CTBP1: variants seen among roughly 807,000 people sequenced by gnomAD.
CTBP1 encodes C-terminal binding protein 1, also known as C-terminal-binding protein 1.
A neutral mutation model predicts 42.1 loss-of-function variants in CTBP1; 11 were observed. The observed-to-expected ratio is 0.26, with a 90% CI of 0.16 to 0.43. The LOEUF is 0.43. Ranked by LOEUF, CTBP1 falls within the 20% of genes least tolerant of loss-of-function variation. The pLI is 1.00. For missense variants in CTBP1, 399 were observed against 624.3 expected (o/e 0.64, Z 3.85); for synonymous variants, 324 against 277.1 (o/e 1.17, Z -1.68).
intron 1 of CTBP1, chr4:1,244,896 C>T: frequency 1.0e-6 from 1 of 985,452 alleles, no homozygotes; most frequent in Admixed American, 6.1e-5. Context: ...GAAGGCTGTG[C>T]ACAGCCTGAC....
At position 1,225,849 on chromosome 4, in the gene CTBP1, C is replaced by G. The variant is rs1730280533; in HGVS notation, c.308-283G>C. Among the ~76,000 whole-genome samples, 3 of 152,022 alleles carry G rather than the reference C, an allele frequency of 2.0e-5. No individual in the cohort carries two copies. In the South Asian group the frequency reaches 6.2e-4, roughly 32 times the overall value. On this transcript the variant is annotated intron_variant, in intron 4 of 9. Transcript: ENST00000382952. ...GCTGGGGTGTGAGACGCTGCCCTGA[C>G]CCCTCCCGACTCAGCGCTGGCAGCC... is the stretch of plus-strand genomic sequence containing the variant.
At chr4:1,237,631 G>A in intron 3 of CTBP1, 1 of 620,068 alleles carries the variant, frequency 1.6e-6, no homozygotes, top group Non-Finnish European at 3.0e-6. Flanking sequence ...ATGGGGCTCA[G>A]GACAAACCCC....
chr4:1,242,827 G>A, intron 1 of CTBP1: 5 of 985,344 alleles, frequency 5.1e-6, no homozygotes, highest in Non-Finnish European at 6.0e-6. Context: ...GGAGAAAACC[G>A]CCTAAATGTC....
chr4:1,211,732 TC>T lies in CTBP1; in HGVS notation c.*507del, dbSNP rs1267920133. 6.6e-6 allele frequency: 1 copy of T among 152,162 alleles called. No individual in the cohort carries two copies. Among genetic ancestry groups the T allele is most frequent in the African/African-American group, 2.4e-5 (1 of 41,408 alleles). 9.4% of individuals were successfully genotyped at this position (152,162 alleles called of 1,614,324 possible). ...GGAAAAACAGCCTTTGTTTTGTTTTTCTAAATTATTCTAAAAATAAGACAAG... is the reference window on the plus strand; with the variant it reads ...GGAAAAACAGCCTTTGTTTTGTTTTTTAAATTATTCTAAAAATAAGACAAG... On this transcript the variant is annotated 3_prime_UTR_variant, in exon 10 of 10. Transcript: ENST00000382952.
intron 3 of CTBP1, among the ~76,000 whole-genome samples, 168 bp from the exon 4 acceptor site, chr4:1,228,511 C>G (rs990224438): frequency 6.6e-6 from 1 of 152,244 alleles, no homozygotes; most frequent in South Asian, 2.1e-4. Context: ...CCCCGCCACG[C>G]GCGGCCCCTC....
Position 1,216,225 on chromosome 4 carries a change from G to C in CTBP1, c.515-20C>G, listed in dbSNP as rs1301681835. On this transcript the variant is annotated intron_variant, in intron 5 of 9. Transcript: ENST00000382952. The stretch of plus-strand genomic sequence containing the variant: ...CGCGACCTGGTGGCGTCAAGACACA[G>C]TGTGAGACCCTTGCTCACCCGTGGC... 5.0e-6 allele frequency: 8 copies of C among 1,599,436 alleles called. No individual in the cohort carries two copies. The highest frequency in any genetic ancestry group is 2.2e-5 in the East Asian group (1 of 44,478).
chr4:1,223,078 GC>G (rs56277097), intron 5 of CTBP1, among the ~76,000 whole-genome samples: 117,778 of 151,840 alleles, frequency 0.78, 46,803 homozygotes, highest in South Asian at 0.91. Context: ...CGGAGGCACC[GC>G]CCCCTGGACA....
chr4:1,244,311 G>C (rs1225498744), intron 1 of CTBP1: 14 of 984,142 alleles, frequency 1.4e-5, no homozygotes, highest in Non-Finnish European at 1.6e-5. Context: ...CCATGGGCTG[G>C]GACCTGCCCC....
chr4:1,223,256 A>T (rs1402994352), intron 5 of CTBP1, among the ~76,000 whole-genome samples: 2 of 151,678 alleles, frequency 1.3e-5, no homozygotes, highest in Non-Finnish European at 2.9e-5. Flanking sequence ...CAGGCCTCAG[A>T]TGGGCAGAGG....
At position 1,213,544 on chromosome 4, in the gene CTBP1, A is replaced by G; in HGVS notation, c.922T>C (p.Tyr308His). Residue 308 changes from tyrosine to histidine, a missense_variant, in exon 8 of 10, where the codon TAC becomes CAC. Physicochemically the swap from Tyr to His is moderately conservative, Grantham distance 83. Around this residue, in one of 4 missense-constraint regions of CTBP1, gnomAD observed 309 missense variants for 497.5 expected, o/e 0.62. Transcript: ENST00000382952. Reference sequence around the variant, plus strand: ...ATCTCGATGGATGCCTGCTCGCTGTACCATGCAGCATGGGGGGTGCAGATG... The same window carrying G: ...ATCTCGATGGATGCCTGCTCGCTGTGCCATGCAGCATGGGGGGTGCAGATG... ...NLICTPHAAW[Y>H]SEQASIEMRE... 2 of 1,613,166 alleles carry G rather than the reference A, an allele frequency of 1.2e-6. No individual in the cohort carries two copies. The highest frequency in any genetic ancestry group is 1.7e-6 in the Non-Finnish European group (2 of 1,179,904).
chr4:1,226,182 C>T (rs1730320715), intron 4 of CTBP1, among the ~76,000 whole-genome samples: 3 of 152,184 alleles, frequency 2.0e-5, no homozygotes, highest in Admixed American at 6.5e-5. Context: ...ACTCCCCGCT[C>T]CCGGCCTTGT....
In CTBP1 at chr4:1,235,141, G is replaced by C. The variant is rs2108775609; in HGVS notation, c.162+3042C>G. 6.6e-6 allele frequency: 1 copy of C among 152,324 alleles called. No individual in the cohort carries two copies. The allele number at this position is 152,324 out of a possible 1,614,324, so 9.4% of individuals were successfully genotyped here. On this transcript the variant is annotated intron_variant, in intron 3 of 9. Coordinates refer to ENST00000382952, the MANE Select transcript of CTBP1 (RefSeq NM_001012614.2). This position sits in a 1 kb window ranked among gnomAD's most constrained non-coding sequence, Gnocchi z 4.2. ...TTTGCCTGGCCACTCACCCACTGAA[G>C]GACAGCCGGTGGGGGGCGTCCTTCT...
In CTBP1 at chr4:1,233,974, G is replaced by A. The variant is rs1377796596; in HGVS notation, c.162+4209C>T. Among the ~76,000 whole-genome samples, 2 of 152,172 alleles carry A rather than the reference G, an allele frequency of 1.3e-5. No individual in the cohort carries two copies. The highest frequency in any genetic ancestry group is 2.4e-5 in the African/African-American group (1 of 41,434). On this transcript the variant is annotated intron_variant, in intron 3 of 9. Transcript: ENST00000382952. The surrounding 1 kb of genome is among the most constrained non-coding windows in gnomAD (Gnocchi z 4.6). ...CCTGCCTCCTGCCTTGTTGCTCCAC[G>A]GTTCCCAGCACGTGGCTCCCCTCAC...
In CTBP1 at chr4:1,235,564, T is replaced by TCCAC; in HGVS notation, c.162+2618_162+2619insGTGG. The TCCAC allele has an allele frequency of 6.6e-6, 1 of 152,150 alleles. No individual in the cohort carries two copies. Among genetic ancestry groups the TCCAC allele is most frequent in the Non-Finnish European group, 1.5e-5 (1 of 68,032 alleles). 9.4% of individuals were successfully genotyped at this position (152,150 alleles called of 1,614,324 possible). A position where few individuals can be genotyped will look rare whatever the true frequency, so the allele number is the denominator to read the frequency against. ...CGCCCCTCAGTTCCACCGATCAGCT[T>TCCAC]CGCCGTTTTCTCAGATCCGCATCTC... On this transcript the variant is annotated intron_variant, in intron 3 of 9. Transcript: ENST00000382952. The surrounding 1 kb of genome is among the most constrained non-coding windows in gnomAD (Gnocchi z 4.2).
chr4:1,248,858 G>A lies in CTBP1; in HGVS notation c.-189+58C>T, dbSNP rs904648838. On this transcript the variant is annotated intron_variant, in intron 1 of 9. Coordinates refer to ENST00000382952, the MANE Select transcript of CTBP1 (RefSeq NM_001012614.2). ...CGCCCCCGCGCCCCCCGCCCGCGCG[G>A]CACCCGCCCCGCCCCGCCCCCGCCC... 1.1e-5 allele frequency: 10 copies of A among 904,628 alleles called. No homozygotes were observed. The African/African-American group carries it at 1.3e-4, about 12-fold the overall frequency. The allele number at this position is 904,628 out of a possible 1,614,324, so 56.0% of individuals were successfully genotyped here.
At chr4:1,220,903 C>A (rs557282810) in intron 5 of CTBP1, among the ~76,000 whole-genome samples, 2 of 152,220 alleles carry the variant, frequency 1.3e-5, no homozygotes, top group African/African-American at 4.8e-5. Context: ...ACCCGGATGA[C>A]CCTGGGGTAA....
chr4:1,246,387 G>C (rs1577084796), intron 1 of CTBP1, among the ~76,000 whole-genome samples: 2 of 152,324 alleles, frequency 1.3e-5, no homozygotes, highest in Admixed American at 1.3e-4. Flanking sequence ...CCCTGGGCCA[G>C]GCCTGCACCG....
intron 4 of CTBP1, among the ~76,000 whole-genome samples, chr4:1,227,755 T>C (rs554496085): frequency 1.5e-4 from 23 of 152,084 alleles, no homozygotes; most frequent in Non-Finnish European, 3.1e-4. Context: ...GCGTGATCCA[T>C]GTGCTGAGTG....
upstream of CTBP1, chr4:1,249,740 G>A (rs556935095): frequency 8.2e-6 from 3 of 364,664 alleles, no homozygotes; most frequent in East Asian, 2.7e-4. Flanking sequence ...CTCCTGGAGG[G>A]ACCGCGTCCT....
Sources: allele counts gnomAD v4.1 joint callset (sites outside exome capture counted in the v4.1 genomes callset), GRCh38; gene constraint gnomAD v4.1.1; regional missense constraint gnomAD v4.1.1; non-coding constraint Gnocchi (gnomAD v3.1); transcripts MANE v1.5; gene names NCBI Gene and HGNC (gene_info 2026-07-23, HGNC 2026-07-21).